The following CRTC3 variants were observed in gnomAD, a reference collection of about 807,000 sequenced individuals.
The protein encoded by CRTC3 is CREB-regulated transcription coactivator 3.
Under a neutral mutation model 74.5 loss-of-function variants are expected in CRTC3, and 26 were observed. That is an observed-to-expected ratio of 0.35 (90% CI 0.26 to 0.48). The LOEUF (loss-of-function observed/expected upper bound fraction) is 0.48, where lower values mean the gene tolerates loss of function less well. Ranked by LOEUF, CRTC3 falls within the 20% of genes least tolerant of loss-of-function variation. The pLI is 0.99. For missense variants in CRTC3, 760 were observed against 787.3 expected (o/e 0.97, Z 0.41); for synonymous variants, 377 against 325.8 (o/e 1.16, Z -1.69).
chr15:90,598,676 T>C (rs1322323850), intron 3 of CRTC3: 1 of 618,012 alleles, frequency 1.6e-6, no homozygotes, highest in Non-Finnish European at 2.9e-6. Context: ...TTGGTAGAAT[T>C]TGAGCTGTCT....
At chr15:90,639,880 T>C (rs961311214) in intron 13 of CRTC3, among the ~76,000 whole-genome samples, 13 of 151,708 alleles carry the variant, frequency 8.6e-5, no homozygotes, top group African/African-American at 3.1e-4. Context: ...ACCTTGTCTC[T>C]ACTAAAAAAT....
intron 2 of CRTC3, among the ~76,000 whole-genome samples, chr15:90,592,021 A>G (rs1967812057): frequency 1.3e-5 from 2 of 152,238 alleles, no homozygotes; most frequent in Admixed American, 1.3e-4. Flanking sequence ...GATTTGGATT[A>G]TAAAAATAGA....
At chr15:90,629,677 T>C in intron 11 of CRTC3, 145 bp downstream of exon 11, 1 of 705,800 alleles carries the variant, frequency 1.4e-6, no homozygotes, top group South Asian at 1.8e-5. Flanking sequence ...TTCGCTCTTA[T>C]ATGTGAAATC....
chr15:90,606,609 G>A (rs1302860081), intron 5 of CRTC3, among the ~76,000 whole-genome samples: 3 of 152,088 alleles, frequency 2.0e-5, no homozygotes, highest in African/African-American at 7.2e-5. Context: ...GGCCCTCAAA[G>A]AGTATTTGTT....
chr15:90,568,577 CTGGCCTTAAG>C (rs148731954), intron 2 of CRTC3, among the ~76,000 whole-genome samples: 4,719 of 152,188 alleles, frequency 0.031, 212 homozygotes, highest in African/African-American at 0.1. Context: ...TCTTGAACTC[CTGGCCTTAAG>C]TGTTCCACCT....
chr15:90,583,107 G>A lies in CRTC3; in HGVS notation c.232-10529G>A, dbSNP rs575230700. Among the ~76,000 whole-genome samples, 112 of 151,826 alleles carry A rather than the reference G, an allele frequency of 7.4e-4. 1 individual carries two copies. Among genetic ancestry groups the A allele is most frequent in the African/African-American group, 2.5e-3 (103 of 41,378 alleles). ...CCCACCTCGGCCTCCCAAAGTGCTG[G>A]GATTACACGTGTGAGCCACCACCAC... On this transcript the variant is annotated intron_variant, in intron 2 of 14. Coordinates refer to ENST00000268184, the MANE Select transcript of CRTC3 (RefSeq NM_022769.5).
intron 1 of CRTC3, among the ~76,000 whole-genome samples, chr15:90,531,846 A>G (rs533543198): frequency 6.6e-6 from 1 of 152,298 alleles, no homozygotes; most frequent in East Asian, 1.9e-4. Context: ...TCTTTCACCC[A>G]ATTCATGAAT....
intron 13 of CRTC3, 57 bp downstream of exon 13, chr15:90,638,872 T>G (rs1227043094): frequency 2.8e-6 from 4 of 1,410,128 alleles, no homozygotes; most frequent in South Asian, 1.2e-5. Flanking sequence ...CCATTTAGGT[T>G]GTTCATTCTG....
chr15:90,638,603 C>G lies in CRTC3; in HGVS notation c.1424C>G (p.Ala475Gly), dbSNP rs149719364. Residue 475 changes from alanine (A) to glycine (G), a missense_variant, in exon 12 of 15, where the codon GCC becomes GGC. Around this residue, in one of 2 missense-constraint regions of CRTC3, gnomAD observed 652 missense variants for 635.2 expected, o/e 1.03. Transcript: ENST00000268184. ...GCCCCTGCCCAGCAGCCCCAGGCAG[C>G]CTCCTCACTGCCACAGTCAGACTTT... ...PEAPAQQPQA[A>G]SSLPQSDFQL... 143 of 1,613,156 alleles carry G rather than the reference C, an allele frequency of 8.9e-5. No individual in the cohort carries two copies. The African/African-American group carries it at 1.8e-3, about 20-fold the overall frequency.
chr15:90,605,679 G>A (rs1228132525), intron 5 of CRTC3, among the ~76,000 whole-genome samples: 1 of 152,154 alleles, frequency 6.6e-6, no homozygotes, highest in Non-Finnish European at 1.5e-5. Flanking sequence ...GTTGCACTGT[G>A]GGTTCTGCCC....
At chr15:90,556,996 A>ATATATC (rs1966905713) in intron 2 of CRTC3, among the ~76,000 whole-genome samples, 1 of 142,796 alleles carries the variant, frequency 7.0e-6, no homozygotes, top group Non-Finnish European at 1.5e-5. Flanking sequence ...ATATATATAT[A>ATATATC]TATCTTTATA....
At chr15:90,567,703 T>TAAATAAATAAATAAAA (rs1967158185) in intron 2 of CRTC3, among the ~76,000 whole-genome samples, 1 of 151,396 alleles carries the variant, frequency 6.6e-6, no homozygotes, top group Non-Finnish European at 1.5e-5. Flanking sequence ...AATAAATAAA[T>TAAATAAATAAATAAAA]AAATAAATAA....
At position 90,628,501 on chromosome 15, in the gene CRTC3, G is replaced by C. The variant is rs531483358; in HGVS notation, c.968-733G>C. Among the ~76,000 whole-genome samples, 4 of 152,262 alleles carry C rather than the reference G, an allele frequency of 2.6e-5. No homozygotes were observed. The South Asian group carries it at 8.3e-4, about 32-fold the overall frequency. ...GTGCCAGGTGCTGAGGATCCAGCAG[G>C]GCATAGGACAGGATCCCCAGTTTCT... On this transcript the variant is annotated intron_variant, in intron 10 of 14. Coordinates refer to ENST00000268184, the MANE Select transcript of CRTC3 (RefSeq NM_022769.5).
At chr15:90,591,903 G>GACAA (rs1487858579) in intron 2 of CRTC3, among the ~76,000 whole-genome samples, 1 of 152,222 alleles carries the variant, frequency 6.6e-6, no homozygotes, top group Admixed American at 6.5e-5. Context: ...CTAGAATAGA[G>GACAA]TATTCCATTG....
chr15:90,567,399 A>G (rs551652917), intron 2 of CRTC3, among the ~76,000 whole-genome samples: 17 of 151,930 alleles, frequency 1.1e-4, no homozygotes, highest in African/African-American at 3.9e-4. Context: ...CTAAAATATT[A>G]CTCCTGGCTG....
In CRTC3 at chr15:90,603,320, G is replaced by C. The variant is rs1182803811; in HGVS notation, c.413+935G>C. 2.0e-5 allele frequency among the ~76,000 whole-genome samples: 3 copies of C among 150,228 alleles called. No homozygotes were observed. The East Asian group carries it at 6.0e-4, about 30-fold the overall frequency. On this transcript the variant is annotated intron_variant, in intron 4 of 14. Transcript: ENST00000268184. Reference sequence around the variant, plus strand: ...TAGCCGGGCGTGGTGGCAGGCGCCTGTAGTCCCAGCTACTCGGGAGGCTGA... The same window carrying C: ...TAGCCGGGCGTGGTGGCAGGCGCCTCTAGTCCCAGCTACTCGGGAGGCTGA...
At chr15:90,626,057 C>A in intron 10 of CRTC3, 64 bp downstream of exon 10, 2 of 1,213,268 alleles carry the variant, frequency 1.6e-6, no homozygotes, top group Non-Finnish European at 2.5e-6. Flanking sequence ...ACCCATGTGG[C>A]CTGTTCAGTG....
intron 2 of CRTC3, among the ~76,000 whole-genome samples, chr15:90,561,129 A>T (rs759640450): frequency 1.3e-5 from 2 of 152,158 alleles, no homozygotes; most frequent in African/African-American, 2.4e-5. Context: ...TACTAATAGT[A>T]CCTAAGATAG....
At chr15:90,562,219 A>G (rs571507430) in intron 2 of CRTC3, among the ~76,000 whole-genome samples, 5 of 152,334 alleles carry the variant, frequency 3.3e-5, no homozygotes, top group Admixed American at 3.3e-4. Context: ...CCACAGACAT[A>G]TGACAGAAGT....
Sources: allele counts gnomAD v4.1 joint callset (sites outside exome capture counted in the v4.1 genomes callset), GRCh38; gene constraint gnomAD v4.1.1; regional missense constraint gnomAD v4.1.1; transcripts MANE v1.5; gene names NCBI Gene and HGNC (gene_info 2026-07-23, HGNC 2026-07-21).